Variants in LRRC4C observed in about 807,000 individuals in gnomAD.
The protein encoded by LRRC4C is leucine rich repeat containing 4C, also known as leucine-rich repeat-containing protein 4C.
In LRRC4C, 5 loss-of-function variants were observed where a neutral mutation model predicts 33.6. That is an observed-to-expected ratio of 0.15 (90% confidence interval 0.08 to 0.31). The LOEUF (loss-of-function observed/expected upper bound fraction) is 0.31, where lower values mean the gene tolerates loss of function less well. LRRC4C is among the 10% of genes least tolerant of loss of function. LRRC4C has a pLI of 1.00. For synonymous variants in LRRC4C, 329 were observed against 302.0 expected (o/e 1.09, Z -0.93); for missense variants, 560 against 796.7 (o/e 0.70, Z 3.58).
chr11:41,416,106 GAGAGTCAT>G (rs1954669343), intron 1 of LRRC4C, among the ~76,000 whole-genome samples: 1 of 152,008 alleles, frequency 6.6e-6, no homozygotes, highest in Non-Finnish European at 1.5e-5. Flanking sequence ...CCATTTTTCA[GAGAGTCAT>G]ATAAAGCTGT....
chr11:40,482,506 T>C (rs900253784), intron 3 of LRRC4C, among the ~76,000 whole-genome samples: 1 of 152,110 alleles, frequency 6.6e-6, no homozygotes, highest in Admixed American at 6.6e-5. Flanking sequence ...TCCCACTCTG[T>C]TACCGAGGCT....
rs78806133 is a variant in LRRC4C at position 40,324,766 on chromosome 11, G to C, written c.-269-5045C>G. On this transcript the variant is annotated intron_variant, in intron 3 of 6. Transcript: ENST00000528697. ...GGTAAAAATTATGGAGAAATAAACA[G>C]GGTGATGTGATAAGGACAAGGTTGG... is the stretch of plus-strand genomic sequence containing the variant. Among the ~76,000 whole-genome samples the C allele has an allele frequency of 3.3e-3, 500 of 152,304 alleles. 1 individual carries two copies. The highest frequency in any genetic ancestry group is 0.011 in the African/African-American group (476 of 41,568).
chr11:40,614,989 G>A (rs771962353), intron 3 of LRRC4C, among the ~76,000 whole-genome samples: 13 of 151,398 alleles, frequency 8.6e-5, no homozygotes, highest in South Asian at 2.1e-4. Flanking sequence ...TAACTAAAAC[G>A]TAACACAGGA....
chr11:40,395,453 A>C (rs1949502478), intron 3 of LRRC4C, among the ~76,000 whole-genome samples: 1 of 152,194 alleles, frequency 6.6e-6, no homozygotes, highest in Non-Finnish European at 1.5e-5. Flanking sequence ...TAAAATTAGA[A>C]GAACTGGAAT....
intron 4 of LRRC4C, among the ~76,000 whole-genome samples, chr11:40,254,210 T>C (rs1024738919): frequency 4.6e-5 from 7 of 152,232 alleles, no homozygotes; most frequent in African/African-American, 1.4e-4. Context: ...AATTTTTTCA[T>C]ATTTTGTCCT....
chr11:40,623,091 A>G (rs1279011780), intron 3 of LRRC4C, among the ~76,000 whole-genome samples: 1 of 151,680 alleles, frequency 6.6e-6, no homozygotes, highest in Non-Finnish European at 1.5e-5. Flanking sequence ...TCTATGTTGT[A>G]TTTTAGAATC....
intron 1 of LRRC4C, among the ~76,000 whole-genome samples, chr11:40,995,187 CTT>C (rs1853881118): frequency 3.3e-5 from 5 of 152,076 alleles, no homozygotes. Context: ...CCAAGTGTGA[CTT>C]TGCAGTTTGT....
At chr11:41,115,805 T>C (rs1942090208) in intron 1 of LRRC4C, among the ~76,000 whole-genome samples, 1 of 152,132 alleles carries the variant, frequency 6.6e-6, no homozygotes, top group African/African-American at 2.4e-5. Flanking sequence ...TAACCAGAGC[T>C]ATGTTCCTGA....
chr11:41,097,726 A>G (rs1940902105), intron 1 of LRRC4C, among the ~76,000 whole-genome samples: 1 of 152,118 alleles, frequency 6.6e-6, no homozygotes, highest in African/African-American at 2.4e-5. Context: ...TTATTATGGT[A>G]CTTTTCTTGA....
chr11:40,834,903 GACAGACAGACACACACACAC>G (rs1952595346), intron 2 of LRRC4C, among the ~76,000 whole-genome samples: 1 of 39,056 alleles, frequency 2.6e-5, no homozygotes, highest in African/African-American at 4.4e-5. Flanking sequence ...CAGACAGACA[GACAGACAGACACACACACAC>G]ACACACACAC....
At chr11:40,374,462 T>G (rs1948581930) in intron 3 of LRRC4C, among the ~76,000 whole-genome samples, 1 of 152,204 alleles carries the variant, frequency 6.6e-6, no homozygotes, top group South Asian at 2.1e-4. Flanking sequence ...TTTGATATTC[T>G]CCTATAATAA....
At chr11:40,863,879 T>A (rs1162207002) in intron 2 of LRRC4C, among the ~76,000 whole-genome samples, 1 of 152,146 alleles carries the variant, frequency 6.6e-6, no homozygotes, top group African/African-American at 2.4e-5. Context: ...TCATGTCACC[T>A]GTAAAGAAAA....
chr11:41,054,465 T>C (rs938796273), intron 1 of LRRC4C, among the ~76,000 whole-genome samples: 5 of 152,164 alleles, frequency 3.3e-5, no homozygotes, highest in African/African-American at 1.2e-4. Flanking sequence ...ATGTCAAAGA[T>C]TTTGAAAGTG....
chr11:40,259,524 C>G (rs1867510571), intron 4 of LRRC4C, among the ~76,000 whole-genome samples: 1 of 151,944 alleles, frequency 6.6e-6, no homozygotes, highest in South Asian at 2.1e-4. Context: ...AGGTTTTCTT[C>G]TAGGGTTTTT....
At chr11:41,112,919 T>C (rs80096513) in intron 1 of LRRC4C, among the ~76,000 whole-genome samples, 2,565 of 152,178 alleles carry the variant, frequency 0.017, 68 homozygotes, top group African/African-American at 0.058. Context: ...CACGTGTACA[T>C]TTATTAATTT....
At chr11:40,817,627 A>G (rs1239070075) in intron 2 of LRRC4C, among the ~76,000 whole-genome samples, 1 of 152,122 alleles carries the variant, frequency 6.6e-6, no homozygotes. Flanking sequence ...CTCTTTTCCT[A>G]AACGAATGAC....
At chr11:40,799,246 C>T (rs1950949432) in intron 2 of LRRC4C, among the ~76,000 whole-genome samples, 1 of 152,038 alleles carries the variant, frequency 6.6e-6, no homozygotes, top group Non-Finnish European at 1.5e-5. Flanking sequence ...ATTCTCTAAC[C>T]TTAATTTTTG....
intron 3 of LRRC4C, among the ~76,000 whole-genome samples, chr11:40,432,912 T>C (rs192599233): frequency 1.3e-3 from 195 of 152,322 alleles, no homozygotes; most frequent in African/African-American, 4.6e-3. Flanking sequence ...ATGTTAGCAA[T>C]GAATGTAAAA....
Position 40,555,485 on chromosome 11 carries a change from C to CAT in LRRC4C, c.-270+92655_-270+92656dup, listed in dbSNP as rs199880789. Among the ~76,000 whole-genome samples the CAT allele has an allele frequency of 1.0e-2, 1,519 of 152,250 alleles. 19 individuals are homozygous for CAT. The highest frequency in any genetic ancestry group is 0.034 in the African/African-American group (1,419 of 41,532). On this transcript the variant is annotated intron_variant, in intron 3 of 6. Coordinates refer to ENST00000528697, the MANE Select transcript of LRRC4C (RefSeq NM_001258419.2). ...AATCTATTTCCCCAATTTATATGAACATACCTTTTATGAACCTTTCTTGCT... is the reference window on the plus strand; with the variant it reads ...AATCTATTTCCCCAATTTATATGAACATATACCTTTTATGAACCTTTCTTGCT...
Sources: allele counts gnomAD v4.1 joint callset (sites outside exome capture counted in the v4.1 genomes callset), GRCh38; gene constraint gnomAD v4.1.1; transcripts MANE v1.5; gene names NCBI Gene and HGNC (gene_info 2026-07-23, HGNC 2026-07-21).